Variants in TANC2 observed in about 807,000 individuals in gnomAD.
TANC2 encodes tetratricopeptide repeat, ankyrin repeat and coiled-coil containing 2.
A neutral mutation model predicts 210.5 loss-of-function variants in TANC2; 26 were observed. The ratio of observed to expected loss-of-function variants is 0.12; its 90% CI spans 0.09 to 0.17. The LOEUF (loss-of-function observed/expected upper bound fraction) is 0.17. Among genes scored for constraint, TANC2 ranks in the 10% least tolerant of loss-of-function variants. The pLI is 1.00. For missense variants in TANC2, 2,129 were observed against 2,608.9 expected (o/e 0.82, Z 4.01); for synonymous variants, 931 against 967.1 (o/e 0.96, Z 0.69).
chr17:63,205,350 A>AAAAAAAC (rs1224686941), intron 7 of TANC2, among the ~76,000 whole-genome samples: 1 of 143,778 alleles, frequency 7.0e-6, no homozygotes, highest in African/African-American at 2.6e-5. Context: ...GAGGCAAAAA[A>AAAAAAAC]AAAAAAAAAA....
At chr17:63,209,410 G>A (rs1351528056) in intron 7 of TANC2, among the ~76,000 whole-genome samples, 1 of 151,754 alleles carries the variant, frequency 6.6e-6, no homozygotes, top group Non-Finnish European at 1.5e-5. Context: ...GATTTTTAAA[G>A]GAATCCTTTT....
At chr17:63,233,160 C>T (rs559074443) in intron 7 of TANC2, among the ~76,000 whole-genome samples, 1 of 152,318 alleles carries the variant, frequency 6.6e-6, no homozygotes, top group Non-Finnish European at 1.5e-5. Context: ...GCCCCTCTTC[C>T]CAGGAGCTCA....
intron 1 of TANC2, among the ~76,000 whole-genome samples, chr17:62,996,068 G>T (rs775355829): frequency 6.6e-6 from 1 of 152,212 alleles, no homozygotes; most frequent in Non-Finnish European, 1.5e-5. Context: ...GCAATTTCCA[G>T]ATGGTGGACA....
At chr17:63,204,226 C>T (rs2041625521) in intron 7 of TANC2, among the ~76,000 whole-genome samples, 1 of 150,756 alleles carries the variant, frequency 6.6e-6, no homozygotes, top group Non-Finnish European at 1.5e-5. Flanking sequence ...AATAAGGAAA[C>T]AGTTTCATTA....
chr17:63,309,997 A>G (rs1176923250), intron 9 of TANC2, among the ~76,000 whole-genome samples: 1 of 152,144 alleles, frequency 6.6e-6, no homozygotes, highest in Admixed American at 6.5e-5. Flanking sequence ...TCCCTACTCT[A>G]TACCAGACTC....
At chr17:63,150,594 T>G (rs147192397) in intron 4 of TANC2, 1 of 152,322 alleles carries the variant, frequency 6.6e-6, no homozygotes, top group East Asian at 1.9e-4. Context: ...TGTCTTTAGC[T>G]TCTAGTGTCA....
intron 1 of TANC2, chr17:63,005,049 T>C (rs9898603): frequency 0.51 from 77,566 of 152,108 alleles, 21,250 homozygotes; most frequent in African/African-American, 0.71. Flanking sequence ...GTTGTTGCCT[T>C]CTTCTTCACA....
At chr17:63,208,340 T>A (rs1433050397) in intron 7 of TANC2, among the ~76,000 whole-genome samples, 1 of 152,194 alleles carries the variant, frequency 6.6e-6, no homozygotes, top group Non-Finnish European at 1.5e-5. Context: ...GAGCTTTTAT[T>A]CTAGGTCTTT....
intron 11 of TANC2, among the ~76,000 whole-genome samples, chr17:63,321,474 T>C (rs1213068465): frequency 6.6e-6 from 1 of 152,210 alleles, no homozygotes; most frequent in East Asian, 1.9e-4. Flanking sequence ...AAAAACTGAT[T>C]AGAAGCTTGT....
intron 9 of TANC2, among the ~76,000 whole-genome samples, chr17:63,270,984 A>G (rs2146289129): frequency 6.6e-6 from 1 of 152,294 alleles, no homozygotes. Flanking sequence ...ATGTTCCTGC[A>G]AAGGACATGA....
intron 5 of TANC2, among the ~76,000 whole-genome samples, chr17:63,188,093 T>G (rs1465236567): frequency 2.6e-5 from 4 of 151,952 alleles, no homozygotes; most frequent in Non-Finnish European, 5.9e-5. Context: ...CACATGGAAA[T>G]TCACAGAACT....
intron 7 of TANC2, among the ~76,000 whole-genome samples, chr17:63,218,427 C>CA (rs2042081083): frequency 1.3e-5 from 2 of 152,110 alleles, no homozygotes; most frequent in Non-Finnish European, 2.9e-5. Flanking sequence ...CAGATTTCTA[C>CA]ACCTATCACT....
In TANC2 at chr17:63,421,664, A is replaced by G; in HGVS notation, c.5934A>G (p.Pro1978=). 1 of 1,614,022 alleles carries G rather than the reference A, an allele frequency of 6.2e-7. No homozygotes were observed. The highest frequency in any genetic ancestry group is 8.5e-7 in the Non-Finnish European group (1 of 1,179,874). The stretch of plus-strand genomic sequence containing the variant: ...CTCAGCCTGAGTCCTTCAGTCCACC[A>G]TCATCCATCAGCAACATTGCCTTTT... Residue 1978 remains proline, a synonymous_variant, in exon 28 of 28, where the codon CCA becomes CCG. Transcript: ENST00000689528. The surrounding 1 kb of genome is among the most constrained non-coding windows in gnomAD (Gnocchi z 6.9).
At chr17:63,137,169 C>T (rs994082431) in intron 4 of TANC2, among the ~76,000 whole-genome samples, 6 of 152,038 alleles carry the variant, frequency 3.9e-5, no homozygotes, top group Non-Finnish European at 8.8e-5. Context: ...TAAGAACACA[C>T]ATTAGTAGTA....
At chr17:63,233,350 G>T (rs73323793) in intron 7 of TANC2, among the ~76,000 whole-genome samples, 3,738 of 152,260 alleles carry the variant, frequency 0.025, 155 homozygotes, top group African/African-American at 0.084. Flanking sequence ...GTGTGTGTGG[G>T]CCCACGAGGG....
intron 5 of TANC2, among the ~76,000 whole-genome samples, chr17:63,157,489 T>C (rs916995073): frequency 6.6e-6 from 1 of 152,190 alleles, no homozygotes; most frequent in Non-Finnish European, 1.5e-5. Flanking sequence ...AGAAGTAAAA[T>C]GTTCTGGTTT....
chr17:63,261,485 G>C (rs2043355523), intron 8 of TANC2, among the ~76,000 whole-genome samples: 2 of 152,122 alleles, frequency 1.3e-5, no homozygotes, highest in Admixed American at 1.3e-4. Context: ...GCTCCAAGAA[G>C]GGTTCTGTGG....
intron 21 of TANC2, among the ~76,000 whole-genome samples, chr17:63,406,706 T>C (rs891231530): frequency 6.6e-6 from 1 of 152,246 alleles, no homozygotes; most frequent in African/African-American, 2.4e-5. Context: ...GGATCAAGAT[T>C]ATTACCCTGT....
chr17:63,421,880 G>C lies in TANC2; in HGVS notation c.6150G>C (p.Gln2050His). 1 of 1,614,022 alleles carries C rather than the reference G, an allele frequency of 6.2e-7. No individual in the cohort carries two copies. The highest frequency in any genetic ancestry group is 8.5e-7 in the Non-Finnish European group (1 of 1,179,896). The change falls in exon 28 of 28, where the codon CAG becomes CAC. Residue 2050 changes from glutamine (Q) to histidine (H), a missense_variant. Physicochemically the swap from Gln to His is conservative, Grantham distance 24. Coordinates refer to ENST00000689528, the Ensembl canonical transcript of TANC2. This position sits in a 1 kb window ranked among gnomAD's most constrained non-coding sequence, Gnocchi z 6.9. ...CATACCAGGACAACCTGTACAGGCA[G>C]CTGTCCCGAGACTCTCGGCAAGGGC...
Sources: allele counts gnomAD v4.1 joint callset (sites outside exome capture counted in the v4.1 genomes callset), GRCh38; gene constraint gnomAD v4.1.1; non-coding constraint Gnocchi (gnomAD v3.1); transcripts MANE v1.5; gene names NCBI Gene and HGNC (gene_info 2026-07-23, HGNC 2026-07-21).